Variants in AMPH observed in about 807,000 individuals in gnomAD.
AMPH encodes the protein amphiphysin.
Under a neutral mutation model 99.1 loss-of-function variants are expected in AMPH, and 49 were observed. The observed-to-expected ratio is 0.49, with a 90% CI of 0.39 to 0.63. The LOEUF is 0.63. Among genes scored for constraint, AMPH ranks in the 20% least tolerant of loss-of-function variants. AMPH has a pLI of 0.00. For synonymous variants in AMPH, 314 were observed against 317.3 expected (o/e 0.99, Z 0.11); for missense variants, 759 against 863.4 (o/e 0.88, Z 1.52).
chr7:38,493,858 T>A (rs1201435977), intron 4 of AMPH, among the ~76,000 whole-genome samples: 3 of 152,158 alleles, frequency 2.0e-5, no homozygotes, highest in Non-Finnish European at 4.4e-5. Flanking sequence ...AATGGGCTGT[T>A]AAGGCTTGTA....
intron 1 of AMPH, among the ~76,000 whole-genome samples, chr7:38,599,595 C>T (rs559369048): frequency 9.2e-5 from 14 of 152,224 alleles, no homozygotes; most frequent in Admixed American, 4.6e-4. Flanking sequence ...AAAAATTACA[C>T]GTAGATTTTT....
rs765393752 is a variant in AMPH, at chr7:38,436,184, T to A, written c.1134+88A>T. 8.6e-6 allele frequency: 8 copies of A among 925,828 alleles called. No individual in the cohort carries two copies. In the East Asian group the frequency reaches 1.9e-4, roughly 22 times the overall value. 57.4% of individuals were successfully genotyped at this position (925,828 alleles called of 1,614,324 possible). A position where few individuals can be genotyped will look rare whatever the true frequency, so the allele number is the denominator to read the frequency against. Reference sequence around the variant, plus strand: ...AACCAAAAATAAAAATAGATAGTAGTCATGAAAGGTATAGGGATCATTGGT... The same window carrying A: ...AACCAAAAATAAAAATAGATAGTAGACATGAAAGGTATAGGGATCATTGGT... On this transcript the variant is annotated intron_variant, in intron 12 of 20. Coordinates refer to ENST00000356264, the MANE Select transcript of AMPH (RefSeq NM_001635.4).
intron 11 of AMPH, among the ~76,000 whole-genome samples, chr7:38,452,199 C>T (rs889837371): frequency 1.3e-5 from 2 of 152,058 alleles, no homozygotes; most frequent in Non-Finnish European, 2.9e-5. Context: ...CTTTTCTTCC[C>T]CCATTAAGTG....
chr7:38,401,657 G>A (rs2128979786), intron 17 of AMPH, among the ~76,000 whole-genome samples: 1 of 152,274 alleles, frequency 6.6e-6, no homozygotes, highest in African/African-American at 2.4e-5. Flanking sequence ...GGATAAGTCA[G>A]AGAACAACCT....
At chr7:38,426,284 C>T (rs1471982209) in intron 15 of AMPH, among the ~76,000 whole-genome samples, 7 of 152,290 alleles carry the variant, frequency 4.6e-5, no homozygotes, top group East Asian at 3.9e-4. Flanking sequence ...GCCATGTGGC[C>T]GGCCTTTTAC....
chr7:38,468,914 G>C (rs566601122), intron 7 of AMPH, among the ~76,000 whole-genome samples: 1 of 66,610 alleles, frequency 1.5e-5, no homozygotes, highest in Non-Finnish European at 2.8e-5. Context: ...CAGCACTTTG[G>C]GAGGCCGAGG....
chr7:38,413,720 C>T (rs1785281563), intron 17 of AMPH, among the ~76,000 whole-genome samples: 1 of 152,114 alleles, frequency 6.6e-6, no homozygotes, highest in Admixed American at 6.5e-5. Context: ...ATGTATGTTT[C>T]TTGACATCTT....
At chr7:38,534,184 T>G (rs1163329656) in intron 2 of AMPH, among the ~76,000 whole-genome samples, 2 of 152,174 alleles carry the variant, frequency 1.3e-5, no homozygotes, top group Non-Finnish European at 2.9e-5. Context: ...AAAAAGGTTT[T>G]CTTCACCCAC....
intron 5 of AMPH, among the ~76,000 whole-genome samples, chr7:38,490,330 T>C (rs1330725810): frequency 2.6e-5 from 4 of 152,166 alleles, no homozygotes; most frequent in African/African-American, 4.8e-5. Context: ...TGTCAATAGG[T>C]CTAACACATT....
chr7:38,593,180 C>T lies in AMPH; in HGVS notation c.69+38103G>A, dbSNP rs187038464. Among the ~76,000 whole-genome samples the T allele has an allele frequency of 1.8e-3, 270 of 152,226 alleles. 2 individuals are homozygous for T. Among genetic ancestry groups the T allele is most frequent in the Non-Finnish European group, 3.1e-3 (213 of 68,016 alleles). On this transcript the variant is annotated intron_variant, in intron 1 of 20. Transcript: ENST00000356264. Reference sequence around the variant, plus strand: ...ATACAAATGAAAGGCTTTTTATAGGCAAGAAACCATAAAGCATCTTAACAA... The same window carrying T: ...ATACAAATGAAAGGCTTTTTATAGGTAAGAAACCATAAAGCATCTTAACAA...
intron 9 of AMPH, 44 bp downstream of exon 9, chr7:38,465,423 T>C (rs755842960): frequency 2.0e-6 from 3 of 1,518,918 alleles, no homozygotes; most frequent in Non-Finnish European, 2.7e-6. Context: ...GAAGAAATTT[T>C]AGCAAGCAGG....
intron 1 of AMPH, among the ~76,000 whole-genome samples, chr7:38,550,098 C>T (rs1791128112): frequency 6.6e-6 from 1 of 152,136 alleles, no homozygotes; most frequent in Non-Finnish European, 1.5e-5. Flanking sequence ...GCATAGCTTC[C>T]AAGAATAAGT....
At chr7:38,474,190 T>C (rs186210048) in intron 7 of AMPH, among the ~76,000 whole-genome samples, 44 of 152,088 alleles carry the variant, frequency 2.9e-4, no homozygotes, top group Non-Finnish European at 2.9e-4. Context: ...TTTGGTTTCC[T>C]GTAGGTAACA....
chr7:38,488,129 A>T (rs1197655992), intron 5 of AMPH, among the ~76,000 whole-genome samples: 1 of 152,200 alleles, frequency 6.6e-6, no homozygotes, highest in Non-Finnish European at 1.5e-5. Flanking sequence ...TTCCTCAAGG[A>T]TCTAGAACCA....
chr7:38,488,089 G>A (rs141132043), intron 5 of AMPH, among the ~76,000 whole-genome samples: 1,709 of 152,302 alleles, frequency 0.011, 61 homozygotes, highest in South Asian at 0.11. Context: ...GTGTAAATTC[G>A]TTCAACCATT....
chr7:38,393,996 G>T lies in AMPH; in HGVS notation c.1608+9C>A, dbSNP rs1433726850. On this transcript the variant is annotated intron_variant, in intron 18 of 20. Transcript: ENST00000356264. ...AGGAGCTCCCCTGGCTGCGACATGG[G>T]ACACTCACCTGAGGCACTGTTGCTT... The T allele has an allele frequency of 1.2e-6, 2 of 1,614,114 alleles. No homozygotes were observed. Among genetic ancestry groups the T allele is most frequent in the Non-Finnish European group, 1.7e-6 (2 of 1,179,990 alleles).
intron 5 of AMPH, among the ~76,000 whole-genome samples, chr7:38,481,049 C>G (rs1185846756): frequency 2.0e-5 from 3 of 152,100 alleles, no homozygotes; most frequent in Non-Finnish European, 4.4e-5. Flanking sequence ...GACTCATTTT[C>G]TTATGTAATT....
chr7:38,573,528 A>G (rs17171400), intron 1 of AMPH, among the ~76,000 whole-genome samples: 4,374 of 152,238 alleles, frequency 0.029, 184 homozygotes, highest in East Asian at 0.085. Context: ...TGTTTTTCAG[A>G]CATGTTGTAA....
chr7:38,570,131 A>C (rs1159730646), intron 1 of AMPH, among the ~76,000 whole-genome samples: 1 of 152,152 alleles, frequency 6.6e-6, no homozygotes, highest in Non-Finnish European at 1.5e-5. Flanking sequence ...TGTTGGCAAG[A>C]CTCAATCTCA....
Sources: gnomAD v4.1 joint callset for allele counts (sites outside exome capture counted in the v4.1 genomes callset) on GRCh38, gnomAD v4.1.1 for gene constraint, MANE v1.5 for transcripts, NCBI Gene and HGNC (gene_info 2026-07-23, HGNC 2026-07-21) for gene names.